The following WDFY3 variants were observed in gnomAD, a reference collection of about 807,000 sequenced individuals.
The protein encoded by WDFY3 is WD repeat and FYVE domain-containing protein 3.
Under a neutral mutation model 409.6 loss-of-function variants are expected in WDFY3, and 66 were observed. The ratio of observed to expected loss-of-function variants is 0.16; its 90% CI spans 0.13 to 0.20. WDFY3 has a LOEUF of 0.20. Among genes scored for constraint, WDFY3 ranks in the 10% least tolerant of loss-of-function variants. The pLI, the probability that WDFY3 is intolerant of heterozygous loss-of-function variation, is 1.00. For synonymous variants in WDFY3, 1,521 were observed against 1,537.1 expected (o/e 0.99, Z 0.25); for missense variants, 3,031 against 4,298.1 (o/e 0.71, Z 8.24).
chr4:84,734,725 A>G (rs965776273), intron 43 of WDFY3, among the ~76,000 whole-genome samples: 3 of 152,234 alleles, frequency 2.0e-5, no homozygotes, highest in African/African-American at 7.2e-5. Context: ...CCTGAAAAAG[A>G]AGGCTCATTC....
chr4:84,849,714 G>C, intron 5 of WDFY3, 188 bp downstream of exon 5: 1 of 659,394 alleles, frequency 1.5e-6, no homozygotes, highest in South Asian at 2.2e-5. Context: ...GCCTTGAGCA[G>C]AACTACTGGA....
chr4:84,674,619 C>T (rs1210748673), intron 67 of WDFY3, among the ~76,000 whole-genome samples: 1 of 151,510 alleles, frequency 6.6e-6, no homozygotes, highest in African/African-American at 2.4e-5. Context: ...ACTGTAATCC[C>T]AGCACTTTGG....
At chr4:84,708,808 T>C (rs1732422627) in intron 53 of WDFY3, 101 bp downstream of exon 53, 4 of 1,334,012 alleles carry the variant, frequency 3.0e-6, no homozygotes, top group East Asian at 4.8e-5. Context: ...CCCAAAGTGC[T>C]AGGATTTTAG....
intron 2 of WDFY3, among the ~76,000 whole-genome samples, chr4:84,906,574 C>A (rs535090317): frequency 2.3e-4 from 35 of 152,102 alleles, no homozygotes; most frequent in Admixed American, 2.0e-4. Context: ...AGGACCCCCA[C>A]GTATACCAAA....
chr4:84,863,859 G>A (rs1253325900), intron 3 of WDFY3, among the ~76,000 whole-genome samples: 4 of 152,072 alleles, frequency 2.6e-5, no homozygotes, highest in African/African-American at 9.7e-5. Flanking sequence ...GTAAATGCAT[G>A]GATTTATTTC....
chr4:84,697,004 T>C (rs1223812984), intron 56 of WDFY3, among the ~76,000 whole-genome samples, 181 bp from the exon 57 acceptor site: 1 of 152,122 alleles, frequency 6.6e-6, no homozygotes, highest in Non-Finnish European at 1.5e-5. Flanking sequence ...CTCAGATCAC[T>C]CCAGCAGAAA....
chr4:84,858,187 G>A (rs1379348112), intron 4 of WDFY3, among the ~76,000 whole-genome samples: 1 of 152,088 alleles, frequency 6.6e-6, no homozygotes, highest in Non-Finnish European at 1.5e-5. Flanking sequence ...CTTATTAAGT[G>A]CTGTAAGTAT....
chr4:84,937,990 C>T (rs1024750902), intron 1 of WDFY3, among the ~76,000 whole-genome samples: 3 of 152,074 alleles, frequency 2.0e-5, no homozygotes, highest in Non-Finnish European at 4.4e-5. Flanking sequence ...AGGCATAGTA[C>T]TCTTATGCTT....
chr4:84,808,146 ACT>A (rs1435282737), intron 15 of WDFY3, among the ~76,000 whole-genome samples, 186 bp downstream of exon 15: 4 of 152,054 alleles, frequency 2.6e-5, no homozygotes, highest in Admixed American at 2.0e-4. Flanking sequence ...AACACATTTT[ACT>A]CTCATGAAAA....
chr4:84,702,542 C>T (rs1318525347), intron 55 of WDFY3, 36 bp from the exon 56 acceptor site: 7 of 1,503,478 alleles, frequency 4.7e-6, no homozygotes, highest in African/African-American at 2.8e-5. Context: ...TATTAGAGAA[C>T]CGTTCCCACC....
intron 25 of WDFY3, among the ~76,000 whole-genome samples, chr4:84,780,814 GA>G (rs1242348783): frequency 6.6e-6 from 1 of 151,516 alleles, no homozygotes; most frequent in Non-Finnish European, 1.5e-5. Context: ...CTTTGAAAAG[GA>G]AAAAAAGCTA....
chr4:84,711,827 G>A (rs1287665354), intron 51 of WDFY3, among the ~76,000 whole-genome samples: 2 of 151,574 alleles, frequency 1.3e-5, no homozygotes, highest in African/African-American at 4.8e-5. Flanking sequence ...CTCCAGCCTG[G>A]GCAACAGAGC....
At position 84,672,966 on chromosome 4, in the gene WDFY3, T is replaced by C. The variant is rs1725655636; in HGVS notation, c.10483A>G (p.Lys3495Glu). Residue 3495 changes from lysine (K) to glutamate (E), a missense_variant, in exon 68 of 68, where the codon AAA becomes GAA. Lys to Glu is a moderately conservative substitution (Grantham distance 56). Around this residue, in one of 16 missense-constraint regions of WDFY3, gnomAD observed 378 missense variants for 477.3 expected, o/e 0.79. Transcript: ENST00000295888. ...QKCSRFQSEI[K>E]RLKISSPVRV... The stretch of plus-strand genomic sequence containing the variant: ...ACCGGGGATGAGATTTTCAAGCGTT[T>C]GATTTCAGATTGAAAGCGACTGCAC... 1 of 1,613,992 alleles carries C rather than the reference T, an allele frequency of 6.2e-7. No individual in the cohort carries two copies. Among genetic ancestry groups the C allele is most frequent in the East Asian group, 2.2e-5 (1 of 44,886 alleles).
chr4:84,742,273 T>C (rs1366967082), intron 37 of WDFY3, among the ~76,000 whole-genome samples: 1 of 152,192 alleles, frequency 6.6e-6, no homozygotes, highest in East Asian at 1.9e-4. Context: ...ATTTTGTGTA[T>C]GTAATAAAGG....
intron 22 of WDFY3, 56 bp downstream of exon 22, chr4:84,789,670 C>CA (rs200702938): frequency 0.2 from 107,610 of 537,020 alleles, 21,942 homozygotes; most frequent in African/African-American, 0.38. Flanking sequence ...CACACACACA[C>CA]CCCCCAAACT....
Position 84,677,237 on chromosome 4 carries a change from T to G in WDFY3, c.10419A>C (p.Arg3473=). The G allele has an allele frequency of 6.2e-7, 1 of 1,614,236 alleles. No individual in the cohort carries two copies. Among genetic ancestry groups the G allele is most frequent in the Non-Finnish European group, 8.5e-7 (1 of 1,180,026 alleles). ...GCTGACCACAGTTCCTGCAATGGTGTCGTCTTTCTGTGAGTGAAAACCTCA... is the reference window on the plus strand; with the variant it reads ...GCTGACCACAGTTCCTGCAATGGTGGCGTCTTTCTGTGAGTGAAAACCTCA... ...CSVRFSLTER[R]HHCRNCGQLF... Residue 3473 remains arginine (R), a synonymous_variant, in exon 67 of 68, where the codon CGA becomes CGC. Transcript: ENST00000295888.
intron 3 of WDFY3, among the ~76,000 whole-genome samples, chr4:84,872,524 G>T (rs534430984): frequency 6.6e-6 from 1 of 151,170 alleles, no homozygotes; most frequent in Non-Finnish European, 1.5e-5. Context: ...CATAGAAAAT[G>T]CTGTTAAAAC....
chr4:84,858,500 T>G (rs984116452), intron 4 of WDFY3, among the ~76,000 whole-genome samples: 4 of 151,714 alleles, frequency 2.6e-5, no homozygotes, highest in African/African-American at 4.8e-5. Flanking sequence ...ACAACATTAC[T>G]CTAAAAGAAC....
chr4:84,716,956 T>A lies in WDFY3; in HGVS notation c.7815A>T (p.Thr2605=). Residue 2605 remains threonine (T), a synonymous_variant, in exon 49 of 68, where the codon ACA becomes ACT. Coordinates refer to ENST00000295888, the MANE Select transcript of WDFY3 (RefSeq NM_014991.6). ...TATCTTCATATGCAAAAATGCTGCA[T>A]GTTCTCTTGAGTTGACTAGGGCCTT... ...ARQGPSQLKR[T]CSIFAYEDIK... 1 of 1,609,054 alleles carries A rather than the reference T, an allele frequency of 6.2e-7. No homozygotes were observed. Among genetic ancestry groups the A allele is most frequent in the East Asian group, 2.2e-5 (1 of 44,500 alleles).
Sources: allele counts gnomAD v4.1 joint callset (sites outside exome capture counted in the v4.1 genomes callset), GRCh38; gene constraint gnomAD v4.1.1; regional missense constraint gnomAD v4.1.1; transcripts MANE v1.5; gene names NCBI Gene and HGNC (gene_info 2026-07-23, HGNC 2026-07-21).